The following KDM2A variants were observed in gnomAD, a reference collection of about 807,000 sequenced individuals.
The protein encoded by KDM2A is lysine-specific demethylase 2A.
A neutral mutation model predicts 137.3 loss-of-function variants in KDM2A; 3 were observed. That is an observed-to-expected ratio of 0.02 (90% CI 0.01 to 0.06). The LOEUF is 0.06. Among genes scored for constraint, KDM2A ranks in the 10% least tolerant of loss-of-function variants. The pLI is 1.00. For missense variants in KDM2A, 738 were observed against 1,510.6 expected (o/e 0.49, Z 8.48); for synonymous variants, 512 against 541.5 (o/e 0.95, Z 0.76).
At chr11:67,153,304 T>C (rs1856440406) in intron 2 of KDM2A, among the ~76,000 whole-genome samples, 1 of 152,080 alleles carries the variant, frequency 6.6e-6, no homozygotes, top group Admixed American at 6.6e-5. Flanking sequence ...AATATGCATG[T>C]TTACAAGGAC....
intron 12 of KDM2A, among the ~76,000 whole-genome samples, chr11:67,236,856 T>C (rs1004494588): frequency 6.6e-6 from 1 of 152,178 alleles, no homozygotes; most frequent in South Asian, 2.1e-4. Context: ...AGGAATCAGA[T>C]TGAATGTTAA....
At chr11:67,199,963 A>T (rs908059150) in intron 5 of KDM2A, among the ~76,000 whole-genome samples, 1 of 152,202 alleles carries the variant, frequency 6.6e-6, no homozygotes, top group Non-Finnish European at 1.5e-5. Context: ...TAACATTCCA[A>T]AAAAAGCTTA....
At chr11:67,248,688 C>T (rs1859321637) in intron 16 of KDM2A, 2 of 296,924 alleles carry the variant, frequency 6.7e-6, no homozygotes, top group Non-Finnish European at 1.3e-5. Flanking sequence ...TGAGTATGAT[C>T]CCTCCTGAGG....
chr11:67,141,206 C>T (rs1266128497), intron 2 of KDM2A, among the ~76,000 whole-genome samples: 1 of 152,034 alleles, frequency 6.6e-6, no homozygotes, highest in African/African-American at 2.4e-5. Flanking sequence ...TTAACCATTT[C>T]TTCATATGCG....
intron 8 of KDM2A, among the ~76,000 whole-genome samples, chr11:67,217,014 T>G (rs1858184233): frequency 6.6e-6 from 1 of 151,594 alleles, no homozygotes; most frequent in East Asian, 1.9e-4. Flanking sequence ...GAGGCCAAGG[T>G]GGGTGGATCA....
chr11:67,250,577 TGAGGAGGGGCTGGGGGGA>T lies in KDM2A; in HGVS notation c.2555_2572del (p.Gly852_Glu857del), dbSNP rs2136461043. 2.2e-5 allele frequency: 35 copies of T among 1,612,220 alleles called. No homozygotes were observed. The highest frequency in any genetic ancestry group is 2.9e-5 in the Non-Finnish European group (34 of 1,179,152). On this transcript the variant is annotated inframe_deletion, in exon 17 of 21. Transcript: ENST00000529006. This position sits in a 1 kb window ranked among gnomAD's most constrained non-coding sequence, Gnocchi z 7.1. ...CAGCCCGAACCCCCCAGCGTGGGGA[TGAGGAGGGGCTGGGGGGA>T]GAGGAGGAGGAAGAGGAGGAGGAGG...
chr11:67,251,390 A>G (rs936416034), intron 17 of KDM2A, among the ~76,000 whole-genome samples: 3 of 152,156 alleles, frequency 2.0e-5, no homozygotes, highest in Admixed American at 6.5e-5. Context: ...GAGAGCTACC[A>G]TTTCTTCTTA....
At chr11:67,137,598 A>G (rs2136289889) in intron 2 of KDM2A, among the ~76,000 whole-genome samples, 1 of 152,158 alleles carries the variant, frequency 6.6e-6, no homozygotes, top group East Asian at 1.9e-4. Flanking sequence ...TTCCTAGTGC[A>G]TGGCTTATAA....
At chr11:67,159,215 AT>A (rs1856584143) in intron 2 of KDM2A, among the ~76,000 whole-genome samples, 1 of 152,024 alleles carries the variant, frequency 6.6e-6, no homozygotes, top group African/African-American at 2.4e-5. Context: ...TAGTGTTTAG[AT>A]TTATTTAGTT....
At chr11:67,224,872 G>A (rs540490027) in intron 10 of KDM2A, among the ~76,000 whole-genome samples, 6 of 107,320 alleles carry the variant, frequency 5.6e-5, no homozygotes, top group Non-Finnish European at 8.5e-5. Context: ...ACAGAGTTTC[G>A]CTGCTGTTGT....
rs1859526343 is a variant in KDM2A, at chr11:67,254,140, G to A, written c.3092-63G>A. On this transcript the variant is annotated intron_variant, in intron 19 of 20. Coordinates refer to ENST00000529006, the MANE Select transcript of KDM2A (RefSeq NM_012308.3). This position sits in a 1 kb window ranked among gnomAD's most constrained non-coding sequence, Gnocchi z 4.7. ...GCCAGCAAGTAGCTGTTGCTGCCTG[G>A]AGCCTTGAAGCTGGATTAGAGAATT... 18 of 1,470,218 alleles carry A rather than the reference G, an allele frequency of 1.2e-5. No homozygotes were observed. The South Asian group carries it at 2.3e-4, about 19-fold the overall frequency. 91.1% of individuals were successfully genotyped at this position (1,470,218 alleles called of 1,614,324 possible).
chr11:67,199,449 A>G (rs1028853623), intron 5 of KDM2A, among the ~76,000 whole-genome samples: 14 of 152,224 alleles, frequency 9.2e-5, no homozygotes, highest in African/African-American at 3.4e-4. Context: ...AAGAAAATTA[A>G]AAGTGCTACT....
At chr11:67,211,424 G>A (rs1488592457) in intron 6 of KDM2A, among the ~76,000 whole-genome samples, 1 of 151,686 alleles carries the variant, frequency 6.6e-6, no homozygotes, top group Non-Finnish European at 1.5e-5. Context: ...AACCAGCCTG[G>A]CCAACATGGT....
chr11:67,208,373 G>A (rs1242824658), intron 6 of KDM2A, among the ~76,000 whole-genome samples: 1 of 151,850 alleles, frequency 6.6e-6, no homozygotes, highest in African/African-American at 2.4e-5. Context: ...GTGCCTGGGC[G>A]TGAAATCACT....
rs565181431 is a variant in KDM2A at position 67,176,226 on chromosome 11, T to C, written c.43-3853T>C. Reference sequence around the variant, plus strand: ...AGTTGAATCTTGCTTTCCTCTGGTATGTAATAGTCAAGTTTATTTCTTTCA... The same window carrying C: ...AGTTGAATCTTGCTTTCCTCTGGTACGTAATAGTCAAGTTTATTTCTTTCA... On this transcript the variant is annotated intron_variant, in intron 2 of 20. Transcript: ENST00000529006. Among the ~76,000 whole-genome samples the C allele has an allele frequency of 3.3e-4, 50 of 152,370 alleles. 1 individual carries two copies. The South Asian group carries it at 8.9e-3, about 27-fold the overall frequency.
intron 13 of KDM2A, among the ~76,000 whole-genome samples, chr11:67,244,585 G>A (rs1453946786): frequency 3.9e-5 from 6 of 152,182 alleles, no homozygotes; most frequent in Non-Finnish European, 8.8e-5. Context: ...CAAAGGGCTA[G>A]GACAAGGGCT....
intron 5 of KDM2A, among the ~76,000 whole-genome samples, chr11:67,185,868 A>G (rs1331076593): frequency 6.6e-6 from 1 of 151,868 alleles, no homozygotes; most frequent in Non-Finnish European, 1.5e-5. Flanking sequence ...GGCCCTCACC[A>G]GATGCTGGCG....
intron 2 of KDM2A, among the ~76,000 whole-genome samples, chr11:67,133,770 C>T (rs1013863804): frequency 8.6e-5 from 13 of 151,426 alleles, no homozygotes; most frequent in African/African-American, 2.2e-4. Flanking sequence ...GGCGCCATCT[C>T]GGCTTACTAT....
chr11:67,145,359 G>C (rs1024659576), intron 2 of KDM2A, among the ~76,000 whole-genome samples: 1 of 151,620 alleles, frequency 6.6e-6, no homozygotes, highest in Non-Finnish European at 1.5e-5. Flanking sequence ...GTGTAGTTGC[G>C]TGTGCCTGTA....
Sources: allele counts gnomAD v4.1 joint callset (sites outside exome capture counted in the v4.1 genomes callset), GRCh38; gene constraint gnomAD v4.1.1; non-coding constraint Gnocchi (gnomAD v3.1); transcripts MANE v1.5; gene names NCBI Gene and HGNC (gene_info 2026-07-23, HGNC 2026-07-21).